The following SEPTIN9 variants were observed in gnomAD, a reference collection of about 807,000 sequenced individuals.
SEPTIN9 encodes the protein septin-9.
A neutral mutation model predicts 56.6 loss-of-function variants in SEPTIN9; 13 were observed. The ratio of observed to expected loss-of-function variants is 0.23; its 90% CI spans 0.15 to 0.37. SEPTIN9 has a LOEUF of 0.37. SEPTIN9 is among the 10% of genes least tolerant of loss of function. The pLI is 1.00. For missense variants in SEPTIN9, 650 were observed against 823.1 expected, an observed-to-expected ratio of 0.79 and a Z score of 2.57; for synonymous variants, 332 against 334.1, an observed-to-expected ratio of 0.99 and a Z score of 0.07.
At position 77,392,388 on chromosome 17, in the gene SEPTIN9, G is replaced by A. The variant is rs2035572206; in HGVS notation, c.77-9671G>A. 2.0e-5 allele frequency among the ~76,000 whole-genome samples: 3 copies of A among 152,178 alleles called. No individual in the cohort carries two copies. In the South Asian group the frequency reaches 6.2e-4, roughly 31 times the overall value. On this transcript the variant is annotated intron_variant, in intron 2 of 11. Coordinates refer to ENST00000427177, the MANE Select transcript of SEPTIN9 (RefSeq NM_001113491.2). ...CCCCTGGTGCATTTGAAGTTTTCAG[G>A]GATACTATTGACGCTCCCTGCACCT... is the stretch of plus-strand genomic sequence containing the variant.
rs1387297678 is a variant in SEPTIN9, at chr17:77,329,513, A to T, written c.76+22316A>T. On this transcript the variant is annotated intron_variant, in intron 2 of 11. Coordinates refer to ENST00000427177, the MANE Select transcript of SEPTIN9 (RefSeq NM_001113491.2). The surrounding 1 kb of genome is among the most constrained non-coding windows in gnomAD (Gnocchi z 4.3). ...CGTGGGTGAGGCCAAGGTGGTTTGG[A>T]TCCTGGGAAGGTTGGGTACCTGGCA... Among the ~76,000 whole-genome samples, 2 of 151,876 alleles carry T rather than the reference A, an allele frequency of 1.3e-5. No homozygotes were observed. Among genetic ancestry groups the T allele is most frequent in the East Asian group, 3.9e-4 (2 of 5,160 alleles).
At chr17:77,363,367 C>G (rs79103075) in intron 2 of SEPTIN9, among the ~76,000 whole-genome samples, 2,016 of 145,564 alleles carry the variant, frequency 0.014, 57 homozygotes, top group African/African-American at 0.049. Flanking sequence ...GCTCTCCAGG[C>G]CTTGGGCCTG....
chr17:77,416,443 C>T (rs72896163), intron 3 of SEPTIN9, among the ~76,000 whole-genome samples: 56,911 of 151,796 alleles, frequency 0.37, 11,180 homozygotes, highest in African/African-American at 0.43. Context: ...TGATGAATAA[C>T]GGGGCCGGGG....
chr17:77,333,495 G>A (rs953161083), intron 2 of SEPTIN9, among the ~76,000 whole-genome samples: 7 of 152,068 alleles, frequency 4.6e-5, no homozygotes, highest in Non-Finnish European at 7.4e-5. Context: ...CCCAAGAGCC[G>A]GTTTTACAGG....
intron 2 of SEPTIN9, among the ~76,000 whole-genome samples, chr17:77,395,073 T>G (rs889704689): frequency 1.4e-5 from 2 of 144,582 alleles, no homozygotes; most frequent in African/African-American, 2.5e-5. Flanking sequence ...TATGTGTGTG[T>G]TTTTTTTTTT....
chr17:77,452,915 T>C (rs762329171), intron 3 of SEPTIN9, among the ~76,000 whole-genome samples: 5 of 150,548 alleles, frequency 3.3e-5, no homozygotes, highest in Non-Finnish European at 7.4e-5. Context: ...TTGTTTCTCC[T>C]TGGGTCTCTT....
intron 2 of SEPTIN9, among the ~76,000 whole-genome samples, chr17:77,364,126 G>T (rs1366033901): frequency 6.6e-6 from 1 of 152,196 alleles, no homozygotes; most frequent in South Asian, 2.1e-4. Flanking sequence ...GACACTCAGG[G>T]TGGGGAAGAT....
chr17:77,433,964 C>T lies in SEPTIN9; in HGVS notation c.721+31261C>T, dbSNP rs2037246457. On this transcript the variant is annotated intron_variant, in intron 3 of 11. Coordinates refer to ENST00000427177, the MANE Select transcript of SEPTIN9 (RefSeq NM_001113491.2). The surrounding 1 kb of genome is among the most constrained non-coding windows in gnomAD (Gnocchi z 6.4). Reference sequence around the variant, plus strand: ...CTCCCCCGATCGGGGGACTTCCCAGCACAGAGCTTTCTGGCCTCTGCAGGG... The same window carrying T: ...CTCCCCCGATCGGGGGACTTCCCAGTACAGAGCTTTCTGGCCTCTGCAGGG... Among the ~76,000 whole-genome samples, 1 of 152,196 alleles carries T rather than the reference C, an allele frequency of 6.6e-6. No individual in the cohort carries two copies. The highest frequency in any genetic ancestry group is 2.4e-5 in the African/African-American group (1 of 41,452).
Position 77,490,760 on chromosome 17 carries a change from C to G in SEPTIN9, c.1281C>G (p.Ile427Met). The change falls in exon 8 of 12, where the codon ATC becomes ATG. Residue 427 changes from isoleucine (I) to methionine (M), a missense_variant. By Grantham distance (10) the Ile-to-Met change is conservative (BLOSUM62 1). Around this residue, in one of 2 missense-constraint regions of SEPTIN9, gnomAD observed 333 missense variants for 494.0 expected, o/e 0.67. Coordinates refer to ENST00000427177, the MANE Select transcript of SEPTIN9 (RefSeq NM_001113491.2). Reference protein sequence around the residue: ...ATGHSLRPLDIEFMKRLSKVV... With the variant: ...ATGHSLRPLDMEFMKRLSKVV... ...GCTTCAGCCTCAGGCCCCTGGACATCGAGTTTATGAAACGCCTGAGCAAGG... is the reference window on the plus strand; with the variant it reads ...GCTTCAGCCTCAGGCCCCTGGACATGGAGTTTATGAAACGCCTGAGCAAGG... The G allele has an allele frequency of 6.3e-7, 1 of 1,579,340 alleles. No homozygotes were observed. The highest frequency in any genetic ancestry group is 8.6e-7 in the Non-Finnish European group (1 of 1,162,224).
intron 3 of SEPTIN9, among the ~76,000 whole-genome samples, chr17:77,440,318 C>T (rs1231684196): frequency 2.0e-5 from 3 of 152,028 alleles, no homozygotes; most frequent in African/African-American, 7.2e-5. Flanking sequence ...CCACGCCCGG[C>T]GAATTTTTGT....
At chr17:77,426,855 G>A (rs995981378) in intron 3 of SEPTIN9, 1 of 152,250 alleles carries the variant, frequency 6.6e-6, no homozygotes, top group Admixed American at 6.5e-5. Flanking sequence ...GGTGCTCAGT[G>A]AATGCCTGTT....
intron 2 of SEPTIN9, among the ~76,000 whole-genome samples, chr17:77,354,855 T>A (rs2143820873): frequency 6.6e-6 from 1 of 152,170 alleles, no homozygotes; most frequent in South Asian, 2.1e-4. Context: ...GCTGGGCGCT[T>A]GCTCTTCAGT....
chr17:77,307,214 G>C lies in SEPTIN9; in HGVS notation c.76+17G>C. ...GTGGCCCAGGTAGGTGGCTCGCTCC[G>C]CTCTGGCCCCACCCAGCTCATGGGT... On this transcript the variant is annotated intron_variant, in intron 2 of 11. Transcript: ENST00000427177. The C allele has an allele frequency of 6.2e-7, 1 of 1,611,618 alleles. No homozygotes were observed. The highest frequency in any genetic ancestry group is 1.7e-4 in the Middle Eastern group (1 of 6,060).
At chr17:77,337,325 A>C (rs920910731) in intron 2 of SEPTIN9, among the ~76,000 whole-genome samples, 1 of 151,964 alleles carries the variant, frequency 6.6e-6, no homozygotes, top group Non-Finnish European at 1.5e-5. Context: ...TTAATATTGA[A>C]CCAACCTTGC....
chr17:77,499,085 T>C lies in SEPTIN9; in HGVS notation c.*427T>C. 1.9e-6 allele frequency: 1 copy of C among 535,790 alleles called. No homozygotes were observed. The highest frequency in any genetic ancestry group is 3.6e-6 in the Non-Finnish European group (1 of 276,108). The allele number at this position is 535,790 out of a possible 1,614,324, so 33.2% of individuals were successfully genotyped here. On this transcript the variant is annotated 3_prime_UTR_variant, in exon 12 of 12. Transcript: ENST00000427177. ...CGCTCCCCTCCATCCCCATCGGCCC[T>C]GTCCCCTGGAGTGTGTCAGAGCCCA...
chr17:77,287,349 C>T (rs1289243523), intron 1 of SEPTIN9, among the ~76,000 whole-genome samples: 6 of 152,214 alleles, frequency 3.9e-5, no homozygotes, highest in Non-Finnish European at 7.4e-5. Flanking sequence ...GCCTGGGCCC[C>T]GGGAAATTTG....
intron 2 of SEPTIN9, among the ~76,000 whole-genome samples, chr17:77,345,919 TTTG>T (rs1280391160): frequency 7.6e-6 from 1 of 131,358 alleles, no homozygotes; most frequent in Non-Finnish European, 1.6e-5. Flanking sequence ...TTCCAGATTC[TTTG>T]TTTTTTTTGT....
intron 3 of SEPTIN9, among the ~76,000 whole-genome samples, chr17:77,406,764 A>T (rs1292677059): frequency 6.6e-6 from 1 of 151,750 alleles, no homozygotes; most frequent in East Asian, 1.9e-4. Flanking sequence ...TCTGCCTCCC[A>T]GGTTCAAGCG....
Position 77,421,348 on chromosome 17 carries a change from G to A in SEPTIN9, c.721+18645G>A, listed in dbSNP as rs1473010310. Among the ~76,000 whole-genome samples, 3 of 152,202 alleles carry A rather than the reference G, an allele frequency of 2.0e-5. No homozygotes were observed. The highest frequency in any genetic ancestry group is 7.2e-5 in the African/African-American group (3 of 41,444). On this transcript the variant is annotated intron_variant, in intron 3 of 11. Coordinates refer to ENST00000427177, the MANE Select transcript of SEPTIN9 (RefSeq NM_001113491.2). The surrounding 1 kb of genome is among the most constrained non-coding windows in gnomAD (Gnocchi z 4.6). ...CCGCATTTCTCTCCCCCCAGTCACA[G>A]CTGCCAGGAGCTCATCTTTCTCTGT...
Sources: gnomAD v4.1 joint callset for allele counts (sites outside exome capture counted in the v4.1 genomes callset) on GRCh38, gnomAD v4.1.1 for gene constraint, gnomAD v4.1.1 regional missense constraint, Gnocchi (gnomAD v3.1) non-coding constraint, MANE v1.5 for transcripts, NCBI Gene and HGNC (gene_info 2026-07-23, HGNC 2026-07-21) for gene names.